Variants in CYP4Z1 observed in about 807,000 individuals in gnomAD.
CYP4Z1 encodes cytochrome P450 4Z1.
CYP4Z1 carries 41 observed loss-of-function variants against 54.2 expected under a neutral mutation model. The observed-to-expected ratio is 0.76, with a 90% CI of 0.59 to 0.98. The LOEUF is 0.98. CYP4Z1 is among the 50% of genes least tolerant of loss of function. The probability of loss-of-function intolerance (pLI) is 0.00; values close to 1 mark genes in which losing one functional copy is unlikely to be tolerated. For synonymous variants in CYP4Z1, 163 were observed against 206.2 expected, an observed-to-expected ratio of 0.79 and a Z score of 1.79; for missense variants, 513 against 599.0, an observed-to-expected ratio of 0.86 and a Z score of 1.50.
intron 10 of CYP4Z1, 107 bp from the exon 11 acceptor site, chr1:47,116,543 T>C (rs1348005058): frequency 4.5e-6 from 3 of 670,024 alleles, no homozygotes; most frequent in African/African-American, 3.6e-5. Flanking sequence ...AAAATTAGCT[T>C]TGGAATTCTG....
In CYP4Z1 at chr1:47,072,850, C is replaced by T. The variant is rs1226466654; in HGVS notation, c.319+4087C>T. ...TTACATTTGAGGAATTCAGACACTACAAGATCCTGACCATATATAGGGGCT... is the reference window on the plus strand; with the variant it reads ...TTACATTTGAGGAATTCAGACACTATAAGATCCTGACCATATATAGGGGCT... On this transcript the variant is annotated intron_variant, in intron 2 of 11. Transcript: ENST00000334194. 2.7e-5 allele frequency among the ~76,000 whole-genome samples: 4 copies of T among 150,658 alleles called. No individual in the cohort carries two copies. The South Asian group carries it at 6.3e-4, about 24-fold the overall frequency.
intron 9 of CYP4Z1, among the ~76,000 whole-genome samples, chr1:47,113,850 C>T (rs915075267): frequency 7.2e-5 from 11 of 152,216 alleles, no homozygotes; most frequent in Non-Finnish European, 1.3e-4. Flanking sequence ...GAATCAATAT[C>T]GTGAAAATGG....
At chr1:47,069,102 A>G (rs1406631164) in intron 2 of CYP4Z1, among the ~76,000 whole-genome samples, 1 of 152,222 alleles carries the variant, frequency 6.6e-6, no homozygotes, top group Non-Finnish European at 1.5e-5. Context: ...GTTTGCTTAC[A>G]ATTGGCTTAA....
chr1:47,088,015 T>C lies in CYP4Z1; in HGVS notation c.772+3037T>C, dbSNP rs1203181895. Among the ~76,000 whole-genome samples the C allele has an allele frequency of 4.6e-5, 7 of 152,350 alleles. 1 individual carries two copies. The highest frequency in any genetic ancestry group is 4.6e-4 in the Admixed American group (7 of 15,300). On this transcript the variant is annotated intron_variant, in intron 6 of 11. Coordinates refer to ENST00000334194, the MANE Select transcript of CYP4Z1 (RefSeq NM_178134.3). The stretch of plus-strand genomic sequence containing the variant: ...ATTACGTTGATTGATTTGCGTATGT[T>C]GAACCAGCCTTGCATCCCAGGGATG...
chr1:47,055,564 TG>T, the CYP4Z1 span, among the ~76,000 whole-genome samples: 1 of 152,196 alleles, frequency 6.6e-6, no homozygotes, highest in African/African-American at 2.4e-5. Context: ...TTTTTTTGGT[TG>T]GTAAGCTATT....
chr1:47,072,850 C>A (rs1226466654), intron 2 of CYP4Z1, among the ~76,000 whole-genome samples: 2 of 150,544 alleles, frequency 1.3e-5, no homozygotes, highest in Non-Finnish European at 3.0e-5. Flanking sequence ...TCAGACACTA[C>A]AAGATCCTGA....
chr1:47,096,598 T>C (rs932333340), intron 7 of CYP4Z1: 3 of 151,526 alleles, frequency 2.0e-5, no homozygotes, highest in African/African-American at 7.3e-5. Flanking sequence ...TCCCATCATC[T>C]AGATATTATG....
intron 6 of CYP4Z1, among the ~76,000 whole-genome samples, chr1:47,089,528 CACCTAATGGACGCAA>C (rs139404398): frequency 0.062 from 9,421 of 152,024 alleles, 791 homozygotes; most frequent in African/African-American, 0.19. Flanking sequence ...TGCACAGCGA[CACCTAATGGACGCAA>C]ACCAATATTG....
At chr1:47,095,867 CTGAA>C (rs1280504268) in intron 7 of CYP4Z1, among the ~76,000 whole-genome samples, 1 of 152,138 alleles carries the variant, frequency 6.6e-6, no homozygotes, top group East Asian at 1.9e-4. Flanking sequence ...TAAATATTTG[CTGAA>C]TTTAATTGTG....
At chr1:47,094,418 G>C (rs1166503333) in intron 6 of CYP4Z1, 148 bp from the exon 7 acceptor site, 2 of 547,946 alleles carry the variant, frequency 3.6e-6, no homozygotes. Context: ...AAGACAGCTA[G>C]TGGTACTGTC....
intron 1 of CYP4Z1, 32 bp downstream of exon 1, chr1:47,067,699 G>T: frequency 6.5e-7 from 1 of 1,545,330 alleles, no homozygotes; most frequent in South Asian, 1.2e-5. Context: ...GGGAGGTTAA[G>T]GGACAGAAAG....
the CYP4Z1 span, among the ~76,000 whole-genome samples, chr1:47,059,342 A>G: frequency 6.6e-6 from 1 of 152,242 alleles, no homozygotes; most frequent in African/African-American, 2.4e-5. Context: ...AGATAATTAA[A>G]TGAAAAACAA....
chr1:47,066,263 C>T (rs1171162765), upstream of CYP4Z1, among the ~76,000 whole-genome samples: 1 of 152,142 alleles, frequency 6.6e-6, no homozygotes, highest in Non-Finnish European at 1.5e-5. Flanking sequence ...CTTTGATGAA[C>T]ATAGATGCAA....
rs201076003 is a variant in CYP4Z1, at chr1:47,115,717, CA to C, written c.1266+129del. 5.0e-3 allele frequency: 4,508 copies of C among 906,722 alleles called. 82 individuals are homozygous for C. Among genetic ancestry groups the C allele is most frequent in the East Asian group, 0.049 (1,893 of 38,568 alleles). 56.2% of individuals were successfully genotyped at this position (906,722 alleles called of 1,614,324 possible). A position where few individuals can be genotyped will look rare whatever the true frequency, so the allele number is the denominator to read the frequency against. ...TCATTTAGAAAAGAACAAAACAGAA[CA>C]AAAACCCTATGCTTTTAAGAGAAAA... On this transcript the variant is annotated intron_variant, in intron 10 of 11. Coordinates refer to ENST00000334194, the MANE Select transcript of CYP4Z1 (RefSeq NM_178134.3).
chr1:47,098,827 T>C (rs1156471042), intron 7 of CYP4Z1, among the ~76,000 whole-genome samples: 1 of 152,228 alleles, frequency 6.6e-6, no homozygotes, highest in East Asian at 1.9e-4. Flanking sequence ...TTTATTCCCT[T>C]AAGTAAAATT....
intron 7 of CYP4Z1, among the ~76,000 whole-genome samples, chr1:47,098,590 T>C (rs1286965072): frequency 6.6e-6 from 1 of 152,262 alleles, no homozygotes. Context: ...CATATTCATA[T>C]GTAATACATT....
intron 8 of CYP4Z1, among the ~76,000 whole-genome samples, chr1:47,102,887 TTGTTGTCTA>T (rs1644730598): frequency 6.6e-6 from 1 of 152,130 alleles, no homozygotes; most frequent in African/African-American, 2.4e-5. Flanking sequence ...ACTTATGAAG[TTGTTGTCTA>T]TTATTTTATT....
At chr1:47,061,504 G>A in the CYP4Z1 span, among the ~76,000 whole-genome samples, 6 of 151,970 alleles carry the variant, frequency 3.9e-5, no homozygotes, top group Admixed American at 3.3e-4. Flanking sequence ...TCCCTAAACC[G>A]ACCGATAATG....
intron 9 of CYP4Z1, among the ~76,000 whole-genome samples, chr1:47,112,877 C>T (rs1644803594): frequency 6.6e-6 from 1 of 152,086 alleles, no homozygotes; most frequent in Admixed American, 6.5e-5. Context: ...ATATCATCTC[C>T]ACCCTGATCA....
Sources: allele counts gnomAD v4.1 joint callset (sites outside exome capture counted in the v4.1 genomes callset), GRCh38; gene constraint gnomAD v4.1.1; transcripts MANE v1.5; gene names NCBI Gene and HGNC (gene_info 2026-07-23, HGNC 2026-07-21).